Variants in SLC8A1 observed in about 807,000 individuals in gnomAD.
SLC8A1 encodes the protein solute carrier family 8 member A1.
A neutral mutation model predicts 68.3 loss-of-function variants in SLC8A1; 18 were observed. The observed-to-expected ratio is 0.26, with a 90% confidence interval of 0.18 to 0.39. The LOEUF is 0.39. SLC8A1 is among the 10% of genes least tolerant of loss of function. SLC8A1 has a pLI of 1.00. For missense variants in SLC8A1, 985 were observed against 1,156.7 expected, an observed-to-expected ratio of 0.85 and a Z score of 2.15; for synonymous variants, 475 against 415.5, an observed-to-expected ratio of 1.14 and a Z score of -1.74.
At chr2:40,214,334 C>G (rs998069356) in intron 2 of SLC8A1, among the ~76,000 whole-genome samples, 9 of 152,118 alleles carry the variant, frequency 5.9e-5, no homozygotes, top group Non-Finnish European at 1.0e-4. Context: ...TGGAGAGTTG[C>G]CCTCAACCCC....
intron 2 of SLC8A1, among the ~76,000 whole-genome samples, chr2:40,382,694 T>A (rs1211859425): frequency 6.6e-6 from 1 of 152,108 alleles, no homozygotes; most frequent in Non-Finnish European, 1.5e-5. Context: ...TAGGTATGGT[T>A]TGAGCAAATA....
chr2:40,269,162 C>T (rs1574940488), intron 2 of SLC8A1, among the ~76,000 whole-genome samples: 3 of 152,278 alleles, frequency 2.0e-5, no homozygotes, highest in Admixed American at 2.0e-4. Context: ...AACTTTACTT[C>T]GTCAATCAAT....
intron 2 of SLC8A1, among the ~76,000 whole-genome samples, chr2:40,249,288 C>T (rs888491026): frequency 2.6e-5 from 4 of 151,968 alleles, no homozygotes; most frequent in African/African-American, 7.3e-5. Context: ...AATGCCTATC[C>T]GTTTTTGAGG....
intron 2 of SLC8A1, among the ~76,000 whole-genome samples, chr2:40,416,127 T>C (rs1273725309): frequency 6.6e-6 from 1 of 151,538 alleles, no homozygotes; most frequent in Admixed American, 6.6e-5. Context: ...TCAAATTAGG[T>C]TGACTATGCC....
chr2:40,506,311 T>C (rs762242704), intron 1 of SLC8A1, among the ~76,000 whole-genome samples: 8 of 151,916 alleles, frequency 5.3e-5, no homozygotes, highest in Non-Finnish European at 1.0e-4. Context: ...TTGGGCATGG[T>C]AACCCAAATG....
At chr2:40,422,912 T>C (rs1157370109) in intron 2 of SLC8A1, among the ~76,000 whole-genome samples, 1 of 152,150 alleles carries the variant, frequency 6.6e-6, no homozygotes, top group Non-Finnish European at 1.5e-5. Flanking sequence ...TCTCTAAGTT[T>C]CAGTTTTTTC....
chr2:40,238,627 C>A (rs957757461), intron 2 of SLC8A1, among the ~76,000 whole-genome samples: 1 of 152,166 alleles, frequency 6.6e-6, no homozygotes, highest in East Asian at 1.9e-4. Flanking sequence ...CTTGGCTCCT[C>A]GATCGTCTTC....
chr2:40,414,187 A>G (rs191710777), intron 2 of SLC8A1, among the ~76,000 whole-genome samples: 9 of 152,304 alleles, frequency 5.9e-5, no homozygotes, highest in Admixed American at 2.6e-4. Flanking sequence ...AAATTGTATT[A>G]TTTGCTGTCT....
intron 2 of SLC8A1, among the ~76,000 whole-genome samples, chr2:40,343,490 G>C (rs758033626): frequency 1.3e-4 from 20 of 152,118 alleles, no homozygotes; most frequent in Non-Finnish European, 2.5e-4. Flanking sequence ...CTTACTATTT[G>C]TAAGGCACTG....
intron 1 of SLC8A1, among the ~76,000 whole-genome samples, chr2:40,503,888 A>T (rs1203941894): frequency 6.6e-6 from 1 of 152,056 alleles, no homozygotes. Flanking sequence ...ACCCAAAGCA[A>T]TCTATAGAGT....
chr2:40,300,965 T>C (rs922144466), intron 2 of SLC8A1, among the ~76,000 whole-genome samples: 2 of 152,150 alleles, frequency 1.3e-5, no homozygotes, highest in Admixed American at 6.5e-5. Context: ...TTGTCCTTTT[T>C]ATGAGGATAG....
intron 2 of SLC8A1, among the ~76,000 whole-genome samples, chr2:40,206,218 G>T (rs1280601398): frequency 6.6e-6 from 1 of 152,036 alleles, no homozygotes; most frequent in Non-Finnish European, 1.5e-5. Flanking sequence ...ATAAGCCTGT[G>T]CCATGACAAA....
intron 2 of SLC8A1, among the ~76,000 whole-genome samples, chr2:40,224,410 A>ATTTTTTT (rs1390905554): frequency 6.6e-6 from 1 of 152,088 alleles, no homozygotes; most frequent in Non-Finnish European, 1.5e-5. Context: ...CATTTCCATC[A>ATTTTTTT]TTTTGTGAGA....
At chr2:40,226,643 T>C (rs1167727450) in intron 2 of SLC8A1, among the ~76,000 whole-genome samples, 1 of 152,122 alleles carries the variant, frequency 6.6e-6, no homozygotes, top group Non-Finnish European at 1.5e-5. Flanking sequence ...ACAGTGTAGG[T>C]ATTAAGACAG....
At chr2:40,136,980 C>T (rs2040622263) in intron 7 of SLC8A1, among the ~76,000 whole-genome samples, 1 of 152,184 alleles carries the variant, frequency 6.6e-6, no homozygotes, top group Non-Finnish European at 1.5e-5. Context: ...GCATTTATGG[C>T]AGTGTAGGGA....
chr2:40,470,091 G>A (rs565421310), intron 1 of SLC8A1, among the ~76,000 whole-genome samples: 8 of 149,358 alleles, frequency 5.4e-5, no homozygotes, highest in South Asian at 2.1e-4. Context: ...TTCTACTTAC[G>A]CACACTCTTT....
chr2:40,294,543 T>C (rs760184932), intron 2 of SLC8A1, among the ~76,000 whole-genome samples: 3 of 152,026 alleles, frequency 2.0e-5, no homozygotes, highest in Non-Finnish European at 4.4e-5. Context: ...GTTGCATATA[T>C]ATATATGGGG....
intron 2 of SLC8A1, among the ~76,000 whole-genome samples, chr2:40,416,282 T>A (rs1693851275): frequency 6.6e-6 from 1 of 152,050 alleles, no homozygotes; most frequent in Non-Finnish European, 1.5e-5. Context: ...TAAAACAAAT[T>A]TGACAAAATT....
intron 2 of SLC8A1, among the ~76,000 whole-genome samples, chr2:40,247,538 T>C (rs28421555): frequency 0.15 from 23,236 of 152,046 alleles, 2,646 homozygotes; most frequent in East Asian, 0.54. Flanking sequence ...GAGCACCAGA[T>C]GGTGTTACAA....
Sources: allele counts gnomAD v4.1 joint callset (sites outside exome capture counted in the v4.1 genomes callset), GRCh38; gene constraint gnomAD v4.1.1; transcripts MANE v1.5; gene names NCBI Gene and HGNC (gene_info 2026-07-23, HGNC 2026-07-21).